The following PHKB variants were observed in gnomAD, a reference collection of about 807,000 sequenced individuals.
The protein encoded by PHKB is phosphorylase b kinase regulatory subunit beta.
Under a neutral mutation model 152.1 loss-of-function variants are expected in PHKB, and 122 were observed. The ratio of observed to expected loss-of-function variants is 0.80; its 90% CI spans 0.69 to 0.93. PHKB has a LOEUF of 0.93. PHKB is among the 40% of genes least tolerant of loss of function. PHKB has a pLI of 0.00. For missense variants in PHKB, 1,304 were observed against 1,328.4 expected (o/e 0.98, Z 0.29); for synonymous variants, 436 against 464.9 (o/e 0.94, Z 0.80).
intron 25 of PHKB, among the ~76,000 whole-genome samples, chr16:47,668,020 T>G (rs549010531): frequency 9.6e-4 from 146 of 152,318 alleles, no homozygotes; most frequent in African/African-American, 3.1e-3. Context: ...ACCAGAGGCA[T>G]GGAGTCCATT....
At chr16:47,602,215 C>A (rs1307372109) in intron 13 of PHKB, among the ~76,000 whole-genome samples, 1 of 152,174 alleles carries the variant, frequency 6.6e-6, no homozygotes, top group Non-Finnish European at 1.5e-5. Flanking sequence ...CACAGATCAC[C>A]ATGCCTGGCA....
intron 12 of PHKB, among the ~76,000 whole-genome samples, chr16:47,594,426 C>T (rs1196059732): frequency 1.3e-5 from 2 of 152,160 alleles, no homozygotes; most frequent in Non-Finnish European, 2.9e-5. Context: ...AATAGTTTGT[C>T]AGGTGGACTG....
intron 20 of PHKB, among the ~76,000 whole-genome samples, chr16:47,652,548 A>G (rs1973256225): frequency 6.6e-6 from 1 of 151,914 alleles, no homozygotes; most frequent in Non-Finnish European, 1.5e-5. Flanking sequence ...CAGCTTCACC[A>G]GCATCTATTG....
At chr16:47,588,692 T>C (rs1971975933) in intron 9 of PHKB, among the ~76,000 whole-genome samples, 1 of 152,236 alleles carries the variant, frequency 6.6e-6, no homozygotes, top group African/African-American at 2.4e-5. Flanking sequence ...TTGAGCCCGT[T>C]GAATCTTGAA....
Position 47,589,994 on chromosome 16 carries a change from G to A in PHKB, c.1068+892G>A, listed in dbSNP as rs538768356. Among the ~76,000 whole-genome samples the A allele has an allele frequency of 1.2e-3, 185 of 152,274 alleles. 1 individual carries two copies. The highest frequency in any genetic ancestry group is 6.8e-3 in the Middle Eastern group (2 of 294). On this transcript the variant is annotated intron_variant, in intron 10 of 30. Coordinates refer to ENST00000323584, the MANE Select transcript of PHKB (RefSeq NM_000293.3). ...TTTAGTAGAGATGGGGTTTCACCAT[G>A]TTGGCCAGGCTGGTCTTCAACTCCT...
intron 26 of PHKB, chr16:47,676,272 G>A (rs372295271): frequency 6.6e-6 from 1 of 152,130 alleles, no homozygotes; most frequent in Admixed American, 6.6e-5. Context: ...TAAAAGAAAG[G>A]GAGGGGATTT....
Position 47,461,419 on chromosome 16 carries a change from G to C in PHKB, c.69G>C (p.Lys23Asn). Reference protein sequence around the residue: ...WKVLERRARTKRSGSVYEPLK... With the variant: ...WKVLERRARTNRSGSVYEPLK... ...TCTTGGAGCGAAGAGCTCGGACCAA[G>C]CGCTCAGGTTTGGCTGGCTGGGGCG... Residue 23 changes from lysine to asparagine, a missense_variant, in exon 1 of 31, where the codon AAG becomes AAC. Transcript: ENST00000323584. 6.2e-7 allele frequency: 1 copy of C among 1,613,324 alleles called. No homozygotes were observed. The highest frequency in any genetic ancestry group is 8.5e-7 in the Non-Finnish European group (1 of 1,179,806).
chr16:47,594,733 AGGAGT>A (rs1340814940), intron 12 of PHKB, among the ~76,000 whole-genome samples: 1 of 152,192 alleles, frequency 6.6e-6, no homozygotes, highest in Non-Finnish European at 1.5e-5. Flanking sequence ...GCCCAGTCTT[AGGAGT>A]AAGGGTATAT....
Position 47,678,295 on chromosome 16 carries a change from C to T in PHKB, c.2630+8878C>T, listed in dbSNP as rs867732545. On this transcript the variant is annotated intron_variant, in intron 26 of 30. Coordinates refer to ENST00000323584, the MANE Select transcript of PHKB (RefSeq NM_000293.3). ...TTTGGGTATATACCCAGTAATGGGA[C>T]GGCTGGGTCAAATGGTATTTCTAGT... Among the ~76,000 whole-genome samples the T allele has an allele frequency of 3.7e-3, 567 of 152,124 alleles. 3 individuals carry two copies. The highest frequency in any genetic ancestry group is 0.031 in the Middle Eastern group (9 of 294).
chr16:47,554,367 C>T (rs573186182), intron 7 of PHKB, among the ~76,000 whole-genome samples: 74 of 152,256 alleles, frequency 4.9e-4, no homozygotes, highest in Middle Eastern at 6.8e-3. Context: ...GCCCCTTTCC[C>T]CACCAAGCTG....
intron 10 of PHKB, chr16:47,590,484 A>T (rs1000239396): frequency 6.6e-6 from 1 of 152,178 alleles, no homozygotes; most frequent in African/African-American, 2.4e-5. Context: ...TTGAAATTTT[A>T]GCAGTGTTGG....
chr16:47,590,833 ACT>A (rs1972016527), intron 10 of PHKB: 1 of 151,840 alleles, frequency 6.6e-6, no homozygotes, highest in African/African-American at 2.4e-5. Flanking sequence ...CTGCTATCTG[ACT>A]CTGCCAGGAA....
intron 20 of PHKB, among the ~76,000 whole-genome samples, chr16:47,659,610 C>T (rs1226521974): frequency 6.6e-6 from 1 of 152,108 alleles, no homozygotes; most frequent in Non-Finnish European, 1.5e-5. Context: ...TTAGTTTGTT[C>T]AACCTATAAT....
intron 27 of PHKB, among the ~76,000 whole-genome samples, chr16:47,690,602 A>AAT (rs1422694098): frequency 6.6e-6 from 1 of 152,210 alleles, no homozygotes; most frequent in Admixed American, 6.5e-5. Context: ...AGTCTATGCT[A>AAT]ATATAAATAG....
chr16:47,602,453 C>A (rs772185947), intron 13 of PHKB, among the ~76,000 whole-genome samples: 1 of 151,900 alleles, frequency 6.6e-6, no homozygotes, highest in Non-Finnish European at 1.5e-5. Context: ...ATTATTAACA[C>A]CCAGCAAACT....
At chr16:47,547,626 G>T in intron 7 of PHKB, 78 bp downstream of exon 7, 2 of 823,316 alleles carry the variant, frequency 2.4e-6, no homozygotes, top group Admixed American at 2.0e-5. Context: ...TGAAGCATTA[G>T]ATTGGAACTG....
rs1974244142 is a variant in PHKB, at chr16:47,701,327, A to G, written c.*1961A>G. On this transcript the variant is annotated 3_prime_UTR_variant, in exon 31 of 31. Coordinates refer to ENST00000323584, the MANE Select transcript of PHKB (RefSeq NM_000293.3). ...GAAAACTGCTATCCTAGTTGAAATC[A>G]AACATTACTTGCAAATGTGTTTTCT... 1 of 152,254 alleles carries G rather than the reference A, an allele frequency of 6.6e-6. No individual in the cohort carries two copies. The highest frequency in any genetic ancestry group is 2.4e-5 in the African/African-American group (1 of 41,466). The allele number at this position is 152,254 out of a possible 1,614,324, so 9.4% of individuals were successfully genotyped here.
chr16:47,628,056 C>G (rs894135765), intron 14 of PHKB, among the ~76,000 whole-genome samples: 1 of 152,072 alleles, frequency 6.6e-6, no homozygotes, highest in Non-Finnish European at 1.5e-5. Flanking sequence ...TGTAAGGCCC[C>G]CAAAGCAGAG....
At chr16:47,643,168 TA>T (rs943254875) in intron 16 of PHKB, among the ~76,000 whole-genome samples, 1 of 152,218 alleles carries the variant, frequency 6.6e-6, no homozygotes, top group Non-Finnish European at 1.5e-5. Flanking sequence ...AGTCAAGATT[TA>T]AAAGGCTAAC....
Sources: gnomAD v4.1 joint callset for allele counts (sites outside exome capture counted in the v4.1 genomes callset) on GRCh38, gnomAD v4.1.1 for gene constraint, MANE v1.5 for transcripts, NCBI Gene and HGNC (gene_info 2026-07-23, HGNC 2026-07-21) for gene names.